Variants in CACNB4 observed in about 807,000 individuals in gnomAD.
CACNB4 encodes the protein calcium voltage-gated channel auxiliary subunit beta 4.
A neutral mutation model predicts 71.2 loss-of-function variants in CACNB4; 32 were observed. The observed-to-expected ratio is 0.45, with a 90% CI of 0.34 to 0.60. The LOEUF (loss-of-function observed/expected upper bound fraction) is 0.60. Among genes scored for constraint, CACNB4 ranks in the 20% least tolerant of loss-of-function variants. The pLI is 0.01. For missense variants in CACNB4, 464 were observed against 647.9 expected, an observed-to-expected ratio of 0.72 and a Z score of 3.08; for synonymous variants, 231 against 236.9, an observed-to-expected ratio of 0.97 and a Z score of 0.23.
intron 2 of CACNB4, among the ~76,000 whole-genome samples, chr2:152,067,034 A>G (rs1366543605): frequency 2.0e-5 from 3 of 148,018 alleles, no homozygotes; most frequent in Non-Finnish European, 4.5e-5. Context: ...TGGGAGATAT[A>G]CCTAATGCTA....
intron 2 of CACNB4, among the ~76,000 whole-genome samples, chr2:152,061,644 A>AC (rs1449496157): frequency 6.6e-6 from 1 of 151,090 alleles, no homozygotes; most frequent in African/African-American, 2.4e-5. Context: ...CTCAAAGCAA[A>AC]AAAAAAAAAA....
intron 2 of CACNB4, among the ~76,000 whole-genome samples, chr2:151,937,616 CA>C (rs2099863238): frequency 6.6e-6 from 1 of 152,216 alleles, no homozygotes; most frequent in Non-Finnish European, 1.5e-5. Flanking sequence ...ATCACATCTA[CA>C]TCTACAATCT....
chr2:151,846,459 G>A (rs925996416), intron 12 of CACNB4, among the ~76,000 whole-genome samples: 1 of 152,004 alleles, frequency 6.6e-6, no homozygotes, highest in African/African-American at 2.4e-5. Flanking sequence ...TTTAAATCTA[G>A]GAAGCTATTG....
chr2:151,898,441 C>T (rs10181200), intron 2 of CACNB4, among the ~76,000 whole-genome samples: 4,698 of 152,234 alleles, frequency 0.031, 109 homozygotes, highest in Middle Eastern at 0.044. Context: ...CTCAACAAAA[C>T]GAGCCAACCC....
chr2:151,915,427 C>G (rs1447429936), intron 2 of CACNB4, among the ~76,000 whole-genome samples: 2 of 152,230 alleles, frequency 1.3e-5, no homozygotes, highest in African/African-American at 4.8e-5. Context: ...CCAGTGCAGG[C>G]TGCTGTCCCT....
intron 2 of CACNB4, among the ~76,000 whole-genome samples, chr2:151,978,829 C>A (rs1014460745): frequency 6.6e-6 from 1 of 152,138 alleles, no homozygotes; most frequent in African/African-American, 2.4e-5. Flanking sequence ...CTGAGCCCAG[C>A]CTCCTGCTGC....
Position 151,839,015 on chromosome 2 carries a change from G to T in CACNB4, c.*104C>A. 1.0e-6 allele frequency: 1 copy of T among 1,003,696 alleles called. No individual in the cohort carries two copies. Among genetic ancestry groups the T allele is most frequent in the Non-Finnish European group, 1.5e-6 (1 of 688,904 alleles). The allele number at this position is 1,003,696 out of a possible 1,614,324, so 62.2% of individuals were successfully genotyped here. On this transcript the variant is annotated 3_prime_UTR_variant, in exon 14 of 14. Coordinates refer to ENST00000539935, the MANE Select transcript of CACNB4 (RefSeq NM_000726.5). ...AGCATAAAATGACAGCAGCCCATTAGCACAGTAAATACTGTGCTATGTTAG... is the reference window on the plus strand; with the variant it reads ...AGCATAAAATGACAGCAGCCCATTATCACAGTAAATACTGTGCTATGTTAG...
At position 152,098,995 on chromosome 2, in the gene CACNB4, TAGG is replaced by T. The variant is rs771610437; in HGVS notation, c.14_16del (p.Ser5del). 1.4e-5 allele frequency: 22 copies of T among 1,530,268 alleles called. No individual in the cohort carries two copies. The highest frequency in any genetic ancestry group is 2.0e-4 in the Middle Eastern group (1 of 4,978). 94.8% of individuals were successfully genotyped at this position (1,530,268 alleles called of 1,614,324 possible). On this transcript the variant is annotated inframe_deletion, in exon 1 of 14. Transcript: ENST00000539935. The surrounding 1 kb of genome is among the most constrained non-coding windows in gnomAD (Gnocchi z 5.3). ...CCCGTCCGCGGTCCCGTTCTTGGCG[TAGG>T]AGGAGGAGGACATCGTTCAGAGCCG...
chr2:152,034,381 TCACAC>T (rs1343089596), intron 2 of CACNB4, among the ~76,000 whole-genome samples: 4 of 152,220 alleles, frequency 2.6e-5, no homozygotes, highest in East Asian at 3.9e-4. Flanking sequence ...ATTAGGGCCC[TCACAC>T]AGGGCTCTGG....
chr2:151,953,587 A>G (rs777127170), intron 2 of CACNB4, among the ~76,000 whole-genome samples: 1 of 152,224 alleles, frequency 6.6e-6, no homozygotes, highest in Non-Finnish European at 1.5e-5. Context: ...TGTGGAGCAC[A>G]ATTGTCCAAA....
intron 2 of CACNB4, among the ~76,000 whole-genome samples, chr2:152,060,978 G>A (rs1230383741): frequency 6.6e-6 from 1 of 152,150 alleles, no homozygotes; most frequent in Non-Finnish European, 1.5e-5. Flanking sequence ...TTTCACAGAT[G>A]TTTTGCAATG....
At chr2:151,885,553 A>G (rs545123208) in intron 2 of CACNB4, among the ~76,000 whole-genome samples, 2 of 152,346 alleles carry the variant, frequency 1.3e-5, no homozygotes, top group African/African-American at 4.8e-5. Flanking sequence ...TTTCACATTG[A>G]TAAAAACAAA....
intron 10 of CACNB4, chr2:151,857,406 A>G (rs952666056): frequency 6.6e-6 from 1 of 152,254 alleles, no homozygotes; most frequent in Non-Finnish European, 1.5e-5. Flanking sequence ...AATGAAAACA[A>G]GTGGGCTTAT....
At chr2:151,891,143 A>G (rs1359235328) in intron 2 of CACNB4, among the ~76,000 whole-genome samples, 1 of 152,206 alleles carries the variant, frequency 6.6e-6, no homozygotes, top group Non-Finnish European at 1.5e-5. Flanking sequence ...TTAATTTATA[A>G]AAGTTGGCCA....
At chr2:152,072,977 C>T (rs556273692) in intron 2 of CACNB4, among the ~76,000 whole-genome samples, 25 of 152,220 alleles carry the variant, frequency 1.6e-4, no homozygotes, top group South Asian at 4.1e-4. Context: ...GGGTTGGAAA[C>T]TAAAATTCAA....
In CACNB4 at chr2:151,883,288, C is replaced by G. The variant is rs1446169764; in HGVS notation, c.230G>C (p.Arg77Thr). The change falls in exon 3 of 14, where the codon AGA becomes ACA. Residue 77 changes from arginine to threonine, a missense_variant. By Grantham distance (71) the Arg-to-Thr change is moderately conservative (BLOSUM62 -1). Transcript: ENST00000539935. Reference protein sequence around the residue: ...EEDREAIRQEREQQAAIQLER... With the variant: ...EEDREAIRQETEQQAAIQLER... ...AAGCTGGATAGCTGCTTGCTGTTCT[C>G]TCTCCTGTCGAATTGCTTCCCGGTC... 1 of 1,613,862 alleles carries G rather than the reference C, an allele frequency of 6.2e-7. No individual in the cohort carries two copies. Among genetic ancestry groups the G allele is most frequent in the Non-Finnish European group, 8.5e-7 (1 of 1,179,874 alleles).
rs568863835 is a variant in CACNB4, at chr2:151,895,909, A to G, written c.148-12539T>C. Among the ~76,000 whole-genome samples the G allele has an allele frequency of 9.9e-5, 15 of 151,530 alleles. No homozygotes were observed. In the East Asian group the frequency reaches 2.7e-3, roughly 28 times the overall value. Reference sequence around the variant, plus strand: ...TCCAGGCTGGAGCGCAAATGGGGCAATCTCAGCTCACATGCTCCTCTGCCT... The same window carrying G: ...TCCAGGCTGGAGCGCAAATGGGGCAGTCTCAGCTCACATGCTCCTCTGCCT... On this transcript the variant is annotated intron_variant, in intron 2 of 13. Coordinates refer to ENST00000539935, the MANE Select transcript of CACNB4 (RefSeq NM_000726.5).
intron 2 of CACNB4, among the ~76,000 whole-genome samples, chr2:151,902,600 A>T (rs776866496): frequency 2.2e-4 from 34 of 152,124 alleles, no homozygotes; most frequent in Non-Finnish European, 2.8e-4. Context: ...GCCTATGATT[A>T]ATTATATTTT....
At chr2:152,003,844 C>A (rs920785612) in intron 2 of CACNB4, among the ~76,000 whole-genome samples, 2 of 151,110 alleles carry the variant, frequency 1.3e-5, no homozygotes, top group Admixed American at 6.6e-5. Context: ...AAAAAAAAAA[C>A]CTTACTTTAA....
Sources: allele counts gnomAD v4.1 joint callset (sites outside exome capture counted in the v4.1 genomes callset), GRCh38; gene constraint gnomAD v4.1.1; non-coding constraint Gnocchi (gnomAD v3.1); transcripts MANE v1.5; gene names NCBI Gene and HGNC (gene_info 2026-07-23, HGNC 2026-07-21).